The following ROBO1 variants were observed in gnomAD, a reference collection of about 807,000 sequenced individuals.
The protein encoded by ROBO1 is roundabout homolog 1.
A neutral mutation model predicts 195.9 loss-of-function variants in ROBO1; 149 were observed. That is an observed-to-expected ratio of 0.76 (90% confidence interval 0.67 to 0.87). ROBO1 has a LOEUF of 0.87. Among genes scored for constraint, ROBO1 ranks in the 40% least tolerant of loss-of-function variants. The probability of loss-of-function intolerance (pLI) is 0.00; values close to 1 mark genes in which losing one functional copy is unlikely to be tolerated. For synonymous variants in ROBO1, 816 were observed against 733.2 expected (o/e 1.11, Z -1.82); for missense variants, 1,933 against 2,068.3 (o/e 0.93, Z 1.27).
At chr3:79,002,789 G>A (rs1055994961) in intron 3 of ROBO1, among the ~76,000 whole-genome samples, 14 of 151,984 alleles carry the variant, frequency 9.2e-5, no homozygotes, top group South Asian at 2.1e-4. Flanking sequence ...ACAGTGTCTC[G>A]GGATTCAAAA....
At chr3:78,786,958 T>C (rs1350569274) in intron 4 of ROBO1, among the ~76,000 whole-genome samples, 1 of 152,180 alleles carries the variant, frequency 6.6e-6, no homozygotes, top group Non-Finnish European at 1.5e-5. Flanking sequence ...CGAGCCAGCA[T>C]TCAAACTTAG....
At chr3:79,721,301 A>G (rs894903305) in intron 1 of ROBO1, among the ~76,000 whole-genome samples, 11 of 152,108 alleles carry the variant, frequency 7.2e-5, no homozygotes, top group African/African-American at 2.7e-4. Flanking sequence ...AAATAGAGAA[A>G]CAATTACAGT....
intron 2 of ROBO1, among the ~76,000 whole-genome samples, chr3:79,229,550 G>A (rs924269672): frequency 6.6e-6 from 1 of 152,020 alleles, no homozygotes; most frequent in African/African-American, 2.4e-5. Flanking sequence ...AGGCTCAAAT[G>A]ATTCTCCCAA....
chr3:79,632,129 G>A (rs1560054999), intron 1 of ROBO1, among the ~76,000 whole-genome samples: 1 of 152,126 alleles, frequency 6.6e-6, no homozygotes, highest in East Asian at 1.9e-4. Flanking sequence ...CCACTACTGA[G>A]TATCTACCCA....
At position 79,767,886 on chromosome 3, in the gene ROBO1, A is replaced by G. The variant is rs1270852631; in HGVS notation, c.-185T>C. 1 of 152,180 alleles carries G rather than the reference A, an allele frequency of 6.6e-6. No individual in the cohort carries two copies. The highest frequency in any genetic ancestry group is 2.4e-5 in the African/African-American group (1 of 41,424). 9.4% of individuals were successfully genotyped at this position (152,180 alleles called of 1,614,324 possible). A position where few individuals can be genotyped will look rare whatever the true frequency, so the allele number is the denominator to read the frequency against. ...CAGACTTTTAAACCTAAGAGTGGGG[A>G]AATAGGGAGAGAGTGAAGTCGGGTT... On this transcript the variant is annotated 5_prime_UTR_variant, in exon 1 of 31. Transcript: ENST00000464233.
At chr3:79,185,268 G>A (rs996099214) in intron 2 of ROBO1, among the ~76,000 whole-genome samples, 1 of 152,086 alleles carries the variant, frequency 6.6e-6, no homozygotes, top group African/African-American at 2.4e-5. Flanking sequence ...TTTATGCTGT[G>A]GTAGTAACTG....
intron 2 of ROBO1, among the ~76,000 whole-genome samples, chr3:79,534,010 G>A (rs564583452): frequency 3.4e-4 from 52 of 152,130 alleles, no homozygotes; most frequent in African/African-American, 1.2e-3. Context: ...GTGTGCTCAC[G>A]AGGGTCCTTA....
chr3:79,426,213 G>A (rs2038440809), intron 2 of ROBO1, among the ~76,000 whole-genome samples: 1 of 152,070 alleles, frequency 6.6e-6, no homozygotes, highest in South Asian at 2.1e-4. Flanking sequence ...TAAACTATGA[G>A]AGGAGAAAAG....
At chr3:79,034,513 C>T (rs2078349842) in intron 3 of ROBO1, among the ~76,000 whole-genome samples, 1 of 151,976 alleles carries the variant, frequency 6.6e-6, no homozygotes, top group South Asian at 2.1e-4. Flanking sequence ...ATTTCCAACT[C>T]TAGGAAGCTA....
chr3:79,413,720 TA>T (rs755634498), intron 2 of ROBO1, among the ~76,000 whole-genome samples: 2 of 152,150 alleles, frequency 1.3e-5, no homozygotes, highest in Non-Finnish European at 2.9e-5. Context: ...AATTTTTAAT[TA>T]AAAATATGCT....
chr3:79,211,125 A>G (rs1361913827), intron 2 of ROBO1, among the ~76,000 whole-genome samples: 2 of 152,106 alleles, frequency 1.3e-5, no homozygotes, highest in Non-Finnish European at 2.9e-5. Context: ...AATACTAAAC[A>G]TAATAATTAA....
At chr3:78,652,008 T>G (rs1322798310) in intron 18 of ROBO1, 79 bp from the exon 19 acceptor site, 1 of 1,105,716 alleles carries the variant, frequency 9.0e-7, no homozygotes, top group Non-Finnish European at 1.3e-6. Context: ...CTGCCATTAC[T>G]TTGTTAATTT....
chr3:79,079,045 C>T (rs1387986998), intron 3 of ROBO1, among the ~76,000 whole-genome samples: 4 of 151,742 alleles, frequency 2.6e-5, no homozygotes, highest in African/African-American at 9.6e-5. Flanking sequence ...TGTGCACTCA[C>T]ATTATCATAT....
At chr3:78,647,722 A>G (rs1393837318) in intron 19 of ROBO1, 67 bp from the exon 20 acceptor site, 1 of 1,280,462 alleles carries the variant, frequency 7.8e-7, no homozygotes, top group Non-Finnish European at 1.1e-6. Context: ...ATATCACATT[A>G]GTATAAATCA....
At chr3:79,624,398 T>C (rs1357955074) in intron 1 of ROBO1, among the ~76,000 whole-genome samples, 3 of 151,932 alleles carry the variant, frequency 2.0e-5, no homozygotes, top group African/African-American at 4.8e-5. Context: ...AAGACACAGA[T>C]TGGCAAATTG....
chr3:78,878,124 A>C (rs1381979446), intron 4 of ROBO1, among the ~76,000 whole-genome samples: 3 of 152,102 alleles, frequency 2.0e-5, no homozygotes, highest in Non-Finnish European at 4.4e-5. Context: ...TCTTGTTTAA[A>C]ATACCAAGAA....
intron 2 of ROBO1, among the ~76,000 whole-genome samples, chr3:79,296,058 C>T (rs548941777): frequency 6.6e-6 from 1 of 152,118 alleles, no homozygotes; most frequent in East Asian, 1.9e-4. Flanking sequence ...TCCATATATG[C>T]AAATTTGAAA....
chr3:79,295,410 G>A (rs1184129754), intron 2 of ROBO1, among the ~76,000 whole-genome samples: 3 of 152,048 alleles, frequency 2.0e-5, no homozygotes, highest in African/African-American at 7.2e-5. Flanking sequence ...GATAACACAT[G>A]GACACAGGGA....
chr3:78,711,355 CTTCCTTCCTTCCTTCCTTCCTTCCT>C (rs2081703525), intron 8 of ROBO1, among the ~76,000 whole-genome samples: 2 of 35,646 alleles, frequency 5.6e-5, no homozygotes, highest in African/African-American at 4.3e-4. Context: ...TTCCTCCTTC[CTTCCTTCCTTCCTTCCTTCCTTCCT>C]TCCTTCCTTC....
Sources: allele counts gnomAD v4.1 joint callset (sites outside exome capture counted in the v4.1 genomes callset), GRCh38; gene constraint gnomAD v4.1.1; transcripts MANE v1.5; gene names NCBI Gene and HGNC (gene_info 2026-07-23, HGNC 2026-07-21).